IL3RA: variants seen among roughly 807,000 people sequenced by gnomAD.
IL3RA encodes the protein interleukin 3 receptor subunit alpha.
A neutral mutation model predicts 52.3 loss-of-function variants in IL3RA; 73 were observed. That is an observed-to-expected ratio of 1.40 (90% CI 1.16 to 1.70). The LOEUF (loss-of-function observed/expected upper bound fraction) is 1.70. Among genes scored for constraint, IL3RA ranks in the 40% most tolerant of loss-of-function variants. The probability of loss-of-function intolerance (pLI) is 0.00; values close to 1 mark genes in which losing one functional copy is unlikely to be tolerated. For synonymous variants in IL3RA, 260 were observed against 194.0 expected (o/e 1.34, Z -2.83); for missense variants, 664 against 504.4 (o/e 1.32, Z -3.03).
chrX:1,341,709 ACT>A lies in IL3RA; in HGVS notation c.-38-15_-38-14del, dbSNP rs1461140265. The A allele has an allele frequency of 5.0e-6, 8 of 1,601,158 alleles. No individual in the cohort carries two copies. Among genetic ancestry groups the A allele is most frequent in the Admixed American group, 1.7e-5 (1 of 59,780 alleles). On this transcript the variant is annotated splice_polypyrimidine_tract_variant and intron_variant, in intron 1 of 11. Transcript: ENST00000331035. ...TTTCACAGCCAGTCCCCGCTGCCTG[ACT>A]CTCGTTTCTCCTGCAGCAGGCACCT...
At chrX:1,365,445 A>C (rs866375226) in intron 9 of IL3RA, among the ~76,000 whole-genome samples, 193 bp downstream of exon 9, 22 of 18,438 alleles carry the variant, frequency 1.2e-3, no homozygotes, top group Non-Finnish European at 1.4e-3. Context: ...GCGCGGGGTG[A>C]GCGGGGTGAG....
At chrX:1,361,753 GAGA>G (rs2087405378) in intron 8 of IL3RA, among the ~76,000 whole-genome samples, 2 of 58,868 alleles carry the variant, frequency 3.4e-5, no homozygotes. Context: ...ACTCCGTCTC[GAGA>G]AAAAAAAAAA....
At chrX:1,338,891 C>G (rs1452627087) in intron 1 of IL3RA, among the ~76,000 whole-genome samples, 1 of 152,146 alleles carries the variant, frequency 6.6e-6, no homozygotes, top group East Asian at 1.9e-4. Flanking sequence ...CCTCCACCTC[C>G]CGGGTTCAAG....
chrX:1,352,540 G>A (rs1181953613), intron 6 of IL3RA, 34 bp downstream of exon 6: 1 of 1,600,462 alleles, frequency 6.2e-7, no homozygotes, highest in African/African-American at 1.3e-5. Context: ...CCCACCCTCA[G>A]TTCTGTGATA....
At position 1,378,771 on chromosome X, in the gene IL3RA, C is replaced by G. The variant is rs367676179; in HGVS notation, c.980+7C>G. On this transcript the variant is annotated splice_region_variant and intron_variant, in intron 10 of 11. Transcript: ENST00000331035. ...TCTTCGTGATCTGCAGAAGGTGAGC[C>G]CTCGAGGGCGTCCGCGAGCGTCGCT... is the stretch of plus-strand genomic sequence containing the variant. 6.2e-7 allele frequency: 1 copy of G among 1,611,250 alleles called. No homozygotes were observed. The highest frequency in any genetic ancestry group is 1.1e-5 in the South Asian group (1 of 90,988).
intron 3 of IL3RA, among the ~76,000 whole-genome samples, chrX:1,347,777 G>A (rs775534513): frequency 1.3e-5 from 2 of 152,018 alleles, no homozygotes; most frequent in Middle Eastern, 3.4e-3. Context: ...GGTGGCTCAC[G>A]CCTGTCATCC....
chrX:1,379,826 C>G (rs2089052898), intron 10 of IL3RA, among the ~76,000 whole-genome samples: 1 of 152,224 alleles, frequency 6.6e-6, no homozygotes, highest in South Asian at 2.1e-4. Flanking sequence ...ATGGCGCCAT[C>G]TCGGTTCACT....
At chrX:1,350,785 G>A (rs1254523600) in intron 4 of IL3RA, among the ~76,000 whole-genome samples, 2 of 151,046 alleles carry the variant, frequency 1.3e-5, no homozygotes, top group Admixed American at 6.7e-5. Context: ...TGCAGTCCCA[G>A]CTACTCAGGA....
intron 6 of IL3RA, among the ~76,000 whole-genome samples, chrX:1,355,570 A>C (rs574952126): frequency 6.8e-6 from 1 of 147,978 alleles, no homozygotes; most frequent in South Asian, 2.2e-4. Context: ...GTCGGGTCAC[A>C]CCTGAGGATG....
chrX:1,378,022 T>C (rs1338101340), intron 9 of IL3RA, among the ~76,000 whole-genome samples: 16 of 150,840 alleles, frequency 1.1e-4, no homozygotes, highest in South Asian at 2.1e-4. Context: ...CCCATCTCTA[T>C]GAGAAATACA....
intron 10 of IL3RA, among the ~76,000 whole-genome samples, chrX:1,380,403 C>CG (rs1376718110): frequency 7.8e-5 from 3 of 38,472 alleles, no homozygotes; most frequent in African/African-American, 3.8e-4. Flanking sequence ...TTCTGTCTCC[C>CG]GGGGGAAGGG....
At chrX:1,362,838 C>G (rs752680286) in intron 8 of IL3RA, among the ~76,000 whole-genome samples, 2 of 151,928 alleles carry the variant, frequency 1.3e-5, no homozygotes, top group African/African-American at 4.8e-5. Context: ...TGCAGTGGTG[C>G]GATCTCAGCT....
At chrX:1,348,345 C>A (rs770473203) in intron 3 of IL3RA, 86 bp from the exon 4 acceptor site, 5 of 1,073,630 alleles carry the variant, frequency 4.7e-6, no homozygotes, top group Non-Finnish European at 7.2e-6. Context: ...GAGAGCGAAA[C>A]TCTGCCTCAA....
intron 11 of IL3RA, 22 bp from the exon 12 acceptor site, chrX:1,382,369 C>G: frequency 1.9e-6 from 3 of 1,609,732 alleles, no homozygotes; most frequent in Middle Eastern, 1.8e-4. Context: ...CCGACTCACC[C>G]TGCCTCCTCT....
chrX:1,359,289 C>G (rs1410176682), intron 8 of IL3RA, among the ~76,000 whole-genome samples: 1 of 151,996 alleles, frequency 6.6e-6, no homozygotes, highest in Non-Finnish European at 1.5e-5. Flanking sequence ...ATAGCTCCAC[C>G]CAGCAGAGAC....
chrX:1,348,379 T>C (rs1368915748), intron 3 of IL3RA, 52 bp from the exon 4 acceptor site: 1 of 1,399,436 alleles, frequency 7.1e-7, no homozygotes. Flanking sequence ...ATCATTAGCG[T>C]CAAATTAAGC....
At chrX:1,364,777 C>T (rs1482790384) in intron 8 of IL3RA, among the ~76,000 whole-genome samples, 2 of 150,488 alleles carry the variant, frequency 1.3e-5, no homozygotes, top group African/African-American at 4.9e-5. Flanking sequence ...AGCACCCAGC[C>T]CCTCTTTTCT....
intron 2 of IL3RA, among the ~76,000 whole-genome samples, chrX:1,343,775 CTTTT>C (rs763658712): frequency 4.7e-5 from 6 of 128,846 alleles, no homozygotes; most frequent in Non-Finnish European, 1.6e-5. Flanking sequence ...TTCTTTCTTT[CTTTT>C]TTTTTTTTTT....
At chrX:1,359,137 A>T (rs2086968582) in intron 8 of IL3RA, among the ~76,000 whole-genome samples, 1 of 152,082 alleles carries the variant, frequency 6.6e-6, no homozygotes, top group South Asian at 2.1e-4. Flanking sequence ...GAAAAGGAAG[A>T]GTCAGGGATG....
Sources: allele counts gnomAD v4.1 joint callset (sites outside exome capture counted in the v4.1 genomes callset), GRCh38; gene constraint gnomAD v4.1.1; transcripts MANE v1.5; gene names NCBI Gene and HGNC (gene_info 2026-07-23, HGNC 2026-07-21).